The following CTNNA2 variants were observed in gnomAD, a reference collection of about 807,000 sequenced individuals.
CTNNA2 encodes the protein catenin alpha-2.
Under a neutral mutation model 101.0 loss-of-function variants are expected in CTNNA2, and 42 were observed. That is an observed-to-expected ratio of 0.42 (90% CI 0.32 to 0.54). The LOEUF (loss-of-function observed/expected upper bound fraction) is 0.54, where lower values mean the gene tolerates loss of function less well. Ranked by LOEUF, CTNNA2 falls within the 20% of genes least tolerant of loss-of-function variation. CTNNA2 has a pLI of 0.14. For synonymous variants in CTNNA2, 450 were observed against 456.4 expected, an observed-to-expected ratio of 0.99 and a Z score of 0.18; for missense variants, 871 against 1,223.1, an observed-to-expected ratio of 0.71 and a Z score of 4.29.
intron 7 of CTNNA2, chr2:80,304,079 A>C (rs538730458): frequency 6.1e-5 from 24 of 393,006 alleles, no homozygotes; most frequent in African/African-American, 3.9e-4. Flanking sequence ...TCCATGTTAG[A>C]TGCTGCAGCA....
chr2:79,866,389 G>C (rs1380151327), intron 4 of CTNNA2: 1 of 152,264 alleles, frequency 6.6e-6, no homozygotes, highest in Non-Finnish European at 1.5e-5. Context: ...TGGTCAGCGG[G>C]AGAAGAATGC....
intron 5 of CTNNA2, among the ~76,000 whole-genome samples, chr2:79,505,390 T>TA (rs1671390798): frequency 6.6e-6 from 1 of 152,206 alleles, no homozygotes; most frequent in South Asian, 2.1e-4. Context: ...GATACAGTCA[T>TA]AAAACGACTG....
chr2:80,340,146 C>T (rs938636363), intron 7 of CTNNA2, among the ~76,000 whole-genome samples: 12 of 152,202 alleles, frequency 7.9e-5, no homozygotes, highest in African/African-American at 2.9e-4. Flanking sequence ...CAGGCTACCC[C>T]TCTCAGTACT....
chr2:79,392,975 A>T (rs977894279), intron 4 of CTNNA2, among the ~76,000 whole-genome samples: 4 of 152,214 alleles, frequency 2.6e-5, no homozygotes, highest in African/African-American at 9.6e-5. Flanking sequence ...TGTAAATGCA[A>T]CTGGGAAAAT....
chr2:80,299,758 T>G (rs1351278188), intron 7 of CTNNA2: 1 of 152,158 alleles, frequency 6.6e-6, no homozygotes, highest in Non-Finnish European at 1.5e-5. Context: ...TTTCCAATAT[T>G]CAGATTTCTA....
intron 4 of CTNNA2, among the ~76,000 whole-genome samples, chr2:79,413,098 C>T (rs1202406566): frequency 6.6e-6 from 1 of 152,054 alleles, no homozygotes; most frequent in Non-Finnish European, 1.5e-5. Context: ...CATCCCCCAA[C>T]CTCTGGTAAC....
chr2:79,703,289 T>TCATA (rs1200567947), intron 2 of CTNNA2, among the ~76,000 whole-genome samples: 3 of 152,256 alleles, frequency 2.0e-5, no homozygotes, highest in African/African-American at 7.2e-5. Flanking sequence ...TACTTGACAT[T>TCATA]AGTAGCTTAA....
intron 3 of CTNNA2, among the ~76,000 whole-genome samples, chr2:79,762,337 C>T (rs902219199): frequency 3.9e-5 from 6 of 152,190 alleles, no homozygotes; most frequent in East Asian, 3.9e-4. Context: ...AGGCAAGATA[C>T]GAGCATTTCA....
chr2:80,541,678 A>G (rs1691567599), intron 9 of CTNNA2, among the ~76,000 whole-genome samples: 3 of 151,846 alleles, frequency 2.0e-5, no homozygotes, highest in Admixed American at 1.3e-4. Context: ...AAGCTCTGCG[A>G]TCTGGGGAGC....
intron 7 of CTNNA2, among the ~76,000 whole-genome samples, chr2:80,045,372 G>A (rs190072089): frequency 3.4e-4 from 52 of 152,202 alleles, no homozygotes; most frequent in African/African-American, 1.2e-3. Flanking sequence ...TTAAATTTTA[G>A]TTGTAATAGT....
intron 9 of CTNNA2, among the ~76,000 whole-genome samples, chr2:80,469,636 A>G (rs959194641): frequency 6.6e-6 from 1 of 152,174 alleles, no homozygotes; most frequent in African/African-American, 2.4e-5. Flanking sequence ...AGATTGGCTA[A>G]TAAGGTCAGG....
chr2:80,467,313 G>GA (rs781628986), intron 9 of CTNNA2, among the ~76,000 whole-genome samples: 5 of 152,160 alleles, frequency 3.3e-5, no homozygotes, highest in Non-Finnish European at 4.4e-5. Flanking sequence ...AGAAACTAGT[G>GA]AAAATCAAAT....
At chr2:80,162,812 T>A (rs1240463111) in intron 7 of CTNNA2, 1 of 1,593,928 alleles carries the variant, frequency 6.3e-7, no homozygotes, top group African/African-American at 1.3e-5. Flanking sequence ...TGTTCATCAC[T>A]GCTTGTCTCT....
chr2:80,136,444 C>T (rs1238967675), intron 7 of CTNNA2, among the ~76,000 whole-genome samples: 1 of 152,134 alleles, frequency 6.6e-6, no homozygotes, highest in Non-Finnish European at 1.5e-5. Flanking sequence ...TATGAATAGT[C>T]AATGTACCCT....
At chr2:79,255,746 T>G (rs926838186) in intron 2 of CTNNA2, among the ~76,000 whole-genome samples, 1 of 152,206 alleles carries the variant, frequency 6.6e-6, no homozygotes, top group Non-Finnish European at 1.5e-5. Flanking sequence ...ATAAGTTTAT[T>G]TAAATTCACC....
At chr2:79,310,969 T>G (rs1676354117) in intron 2 of CTNNA2, among the ~76,000 whole-genome samples, 1 of 152,148 alleles carries the variant, frequency 6.6e-6, no homozygotes, top group South Asian at 2.1e-4. Flanking sequence ...CACCTCAGCT[T>G]GGAAATCCTA....
At chr2:79,221,276 T>A (rs1674342176) in intron 2 of CTNNA2, among the ~76,000 whole-genome samples, 1 of 152,192 alleles carries the variant, frequency 6.6e-6, no homozygotes, top group African/African-American at 2.4e-5. Flanking sequence ...CTCAGCCAAG[T>A]AGCTGGAACT....
intron 7 of CTNNA2, among the ~76,000 whole-genome samples, chr2:79,912,152 T>G (rs1218716146): frequency 6.6e-6 from 1 of 152,242 alleles, no homozygotes; most frequent in Non-Finnish European, 1.5e-5. Context: ...GTTGTTAAAC[T>G]GAAAATATTT....
intron 7 of CTNNA2, among the ~76,000 whole-genome samples, chr2:79,945,675 A>G (rs892129774): frequency 6.6e-6 from 1 of 152,142 alleles, no homozygotes; most frequent in Admixed American, 6.6e-5. Flanking sequence ...TGTATCTGCC[A>G]TATGTCAAAT....
Sources: allele counts gnomAD v4.1 joint callset (sites outside exome capture counted in the v4.1 genomes callset), GRCh38; gene constraint gnomAD v4.1.1; transcripts MANE v1.5; gene names NCBI Gene and HGNC (gene_info 2026-07-23, HGNC 2026-07-21).